The following IGF1R variants were observed in gnomAD, a reference collection of about 807,000 sequenced individuals.
The protein encoded by IGF1R is insulin like growth factor 1 receptor.
Under a neutral mutation model 144.6 loss-of-function variants are expected in IGF1R, and 44 were observed. The ratio of observed to expected loss-of-function variants is 0.30; its 90% CI spans 0.24 to 0.39. The LOEUF (loss-of-function observed/expected upper bound fraction) is 0.39. IGF1R is among the 10% of genes least tolerant of loss of function. The pLI, the probability that IGF1R is intolerant of heterozygous loss-of-function variation, is 1.00. For synonymous variants in IGF1R, 795 were observed against 722.8 expected, an observed-to-expected ratio of 1.10 and a Z score of -1.60; for missense variants, 1,355 against 1,833.7, an observed-to-expected ratio of 0.74 and a Z score of 4.77.
chr15:98,752,930 CTATTTTTTT>C (rs1567111103), intron 2 of IGF1R, among the ~76,000 whole-genome samples: 5 of 130,410 alleles, frequency 3.8e-5, no homozygotes, highest in Admixed American at 1.6e-4. Flanking sequence ...GAAAATCATA[CTATTTTTTT>C]TTTTTTTTTT....
intron 1 of IGF1R, among the ~76,000 whole-genome samples, chr15:98,665,594 G>A (rs2052716622): frequency 6.6e-6 from 1 of 152,122 alleles, no homozygotes; most frequent in African/African-American, 2.4e-5. Flanking sequence ...AAAATTTAGG[G>A]CACAGGATCT....
intron 10 of IGF1R, among the ~76,000 whole-genome samples, chr15:98,917,333 G>C (rs2015300067): frequency 6.6e-6 from 1 of 152,230 alleles, no homozygotes; most frequent in African/African-American, 2.4e-5. Flanking sequence ...GTGCTGGAAA[G>C]GGCCTGACTT....
intron 2 of IGF1R, among the ~76,000 whole-genome samples, chr15:98,769,308 G>GCAT (rs2141368838): frequency 6.6e-6 from 1 of 152,274 alleles, no homozygotes; most frequent in East Asian, 1.9e-4. Context: ...GGCCTTTAAA[G>GCAT]CATTTCCAAA....
intron 2 of IGF1R, among the ~76,000 whole-genome samples, chr15:98,792,042 G>A (rs1222462895): frequency 6.6e-6 from 1 of 152,196 alleles, no homozygotes; most frequent in Admixed American, 6.5e-5. Context: ...CCAGCAGCTA[G>A]TTAAGAGAAA....
rs187211251 is a variant in IGF1R, at chr15:98,940,590, A to T, written c.3457+1230A>T. ...AGCTGATTTTTTATATTTTTAGTAGAAACAGGTTTTCATCATGTTAGCCAG... is the reference window on the plus strand; with the variant it reads ...AGCTGATTTTTTATATTTTTAGTAGTAACAGGTTTTCATCATGTTAGCCAG... On this transcript the variant is annotated intron_variant, in intron 18 of 20. Transcript: ENST00000650285. Among the ~76,000 whole-genome samples the T allele has an allele frequency of 1.9e-3, 287 of 152,052 alleles. 1 individual carries two copies. Among genetic ancestry groups the T allele is most frequent in the Non-Finnish European group, 2.9e-3 (195 of 67,956 alleles).
intron 1 of IGF1R, among the ~76,000 whole-genome samples, chr15:98,676,737 C>G (rs1234896376): frequency 6.6e-6 from 1 of 152,096 alleles, no homozygotes; most frequent in South Asian, 2.1e-4. Context: ...ATTTGAATTA[C>G]TCATTCAAGG....
In IGF1R at chr15:98,806,190, C is replaced by T. The variant is rs569707009; in HGVS notation, c.641-85135C>T. Among the ~76,000 whole-genome samples, 11 of 152,206 alleles carry T rather than the reference C, an allele frequency of 7.2e-5. No homozygotes were observed. The South Asian group carries it at 1.9e-3, about 26-fold the overall frequency. On this transcript the variant is annotated intron_variant, in intron 2 of 20. Coordinates refer to ENST00000650285, the MANE Select transcript of IGF1R (RefSeq NM_000875.5). Reference sequence around the variant, plus strand: ...AGTTGACGTCCTATTACTGGTTTACCGTGAAGGCTCTATGTCCAGAGTGGA... The same window carrying T: ...AGTTGACGTCCTATTACTGGTTTACTGTGAAGGCTCTATGTCCAGAGTGGA...
intron 2 of IGF1R, among the ~76,000 whole-genome samples, chr15:98,827,830 C>T (rs1266054046): frequency 8.5e-5 from 13 of 152,164 alleles, no homozygotes; most frequent in Non-Finnish European, 1.5e-5. Context: ...ATCCACCTGC[C>T]TCGGCCTCCC....
At chr15:98,904,176 C>T (rs1004770746) in intron 5 of IGF1R, among the ~76,000 whole-genome samples, 4 of 151,830 alleles carry the variant, frequency 2.6e-5, no homozygotes, top group African/African-American at 4.8e-5. Flanking sequence ...CTCAGCCTCC[C>T]GAGTAGCCGG....
chr15:98,716,870 A>G (rs1038278915), intron 2 of IGF1R, among the ~76,000 whole-genome samples: 2 of 152,150 alleles, frequency 1.3e-5, no homozygotes, highest in African/African-American at 2.4e-5. Context: ...TCAGGATGTC[A>G]TGGGGCTGGC....
chr15:98,713,639 G>A (rs2054048647), intron 2 of IGF1R, among the ~76,000 whole-genome samples: 1 of 152,204 alleles, frequency 6.6e-6, no homozygotes, highest in Non-Finnish European at 1.5e-5. Context: ...TCTGCCCTGG[G>A]AGGGACGGAG....
chr15:98,776,180 A>AT (rs1480262871), intron 2 of IGF1R, among the ~76,000 whole-genome samples: 2 of 150,684 alleles, frequency 1.3e-5, no homozygotes, highest in African/African-American at 4.9e-5. Flanking sequence ...ATTTTTTATT[A>AT]TTTATTTTTT....
chr15:98,803,348 A>T (rs533765784), intron 2 of IGF1R, among the ~76,000 whole-genome samples: 25 of 150,548 alleles, frequency 1.7e-4, no homozygotes, highest in African/African-American at 5.6e-4. Context: ...TGTAAAAGAT[A>T]AAAAAATGGT....
chr15:98,785,361 C>T (rs1163747223), intron 2 of IGF1R, among the ~76,000 whole-genome samples: 1 of 152,168 alleles, frequency 6.6e-6, no homozygotes, highest in Admixed American at 6.5e-5. Flanking sequence ...TCACAATTCC[C>T]TCTTCCCTTT....
chr15:98,695,363 A>G (rs2053572421), intron 1 of IGF1R, among the ~76,000 whole-genome samples: 1 of 152,166 alleles, frequency 6.6e-6, no homozygotes, highest in African/African-American at 2.4e-5. Flanking sequence ...CTCTGGTGAG[A>G]TGGCTGTCAG....
At chr15:98,791,040 G>T (rs562728625) in intron 2 of IGF1R, among the ~76,000 whole-genome samples, 4 of 152,316 alleles carry the variant, frequency 2.6e-5, no homozygotes, top group African/African-American at 9.6e-5. Flanking sequence ...ATTGAAGCTT[G>T]TCCCAGACTT....
At chr15:98,951,843 C>G (rs1236014836) in intron 20 of IGF1R, among the ~76,000 whole-genome samples, 1 of 152,226 alleles carries the variant, frequency 6.6e-6, no homozygotes, top group African/African-American at 2.4e-5. Context: ...GCCCATACGA[C>G]CTTGACTGTG....
chr15:98,838,858 C>T (rs937319532), intron 2 of IGF1R, among the ~76,000 whole-genome samples: 4 of 152,194 alleles, frequency 2.6e-5, no homozygotes, highest in African/African-American at 4.8e-5. Context: ...TCAGCAGACC[C>T]GGGAAAAATT....
At chr15:98,908,224 A>G (rs1016764942) in intron 5 of IGF1R, among the ~76,000 whole-genome samples, 1 of 152,204 alleles carries the variant, frequency 6.6e-6, no homozygotes, top group African/African-American at 2.4e-5. Flanking sequence ...GCTGTCTCCT[A>G]TCCCATCATG....
Sources: allele counts gnomAD v4.1 joint callset (sites outside exome capture counted in the v4.1 genomes callset), GRCh38; gene constraint gnomAD v4.1.1; transcripts MANE v1.5; gene names NCBI Gene and HGNC (gene_info 2026-07-23, HGNC 2026-07-21).